Variants in PACRGL observed in about 807,000 individuals in gnomAD.
PACRGL encodes the protein parkin coregulated like.
A neutral mutation model predicts 34.5 loss-of-function variants in PACRGL; 38 were observed. The ratio of observed to expected loss-of-function variants is 1.10; its 90% CI spans 0.85 to 1.44. PACRGL has a LOEUF of 1.44. Among genes scored for constraint, PACRGL ranks in the 40% most tolerant of loss-of-function variants. PACRGL has a pLI of 0.00. For synonymous variants in PACRGL, 128 were observed against 100.1 expected (o/e 1.28, Z -1.66); for missense variants, 305 against 281.4 (o/e 1.08, Z -0.60).
chr4:20,762,560 C>T, the PACRGL span, among the ~76,000 whole-genome samples: 1 of 152,188 alleles, frequency 6.6e-6, no homozygotes, highest in African/African-American at 2.4e-5. Flanking sequence ...CTCTTCTGTG[C>T]AGTGATCTCT....
intron 5 of PACRGL, 155 bp from the exon 6 acceptor site, chr4:20,712,633 A>G (rs75964643): frequency 1.4e-6 from 1 of 717,580 alleles, no homozygotes; most frequent in Non-Finnish European, 2.0e-6. Flanking sequence ...CAGTTTCTCA[A>G]TGTAATTGAA....
intron 4 of PACRGL, among the ~76,000 whole-genome samples, chr4:20,708,924 C>T (rs1458740708): frequency 4.7e-5 from 7 of 150,036 alleles, no homozygotes; most frequent in South Asian, 2.1e-4. Flanking sequence ...GTCAGGAGTT[C>T]GAGACCAGCC....
the PACRGL span, among the ~76,000 whole-genome samples, chr4:20,760,763 T>A: frequency 5.3e-5 from 8 of 152,040 alleles, no homozygotes; most frequent in Admixed American, 6.6e-5. Flanking sequence ...GGTTTCGTAT[T>A]AGATGACCCC....
Position 20,724,842 on chromosome 4 carries a change from A to G in PACRGL, c.644A>G (p.Glu215Gly). The change falls in exon 8 of 9, where the codon GAG becomes GGG. Residue 215 changes from glutamate (E) to glycine (G), a missense_variant. Coordinates refer to ENST00000503585, the MANE Select transcript of PACRGL (RefSeq NM_001258345.3). ...AGATTAATGGACAAGAAATTCAAAG[A>G]GCCAATCACCAGCGCATTACAAAAG... ...SKRLMDKKFK[E>G]PITSALQKLE... 6.7e-7 allele frequency: 1 copy of G among 1,502,738 alleles called. No individual in the cohort carries two copies. Among genetic ancestry groups the G allele is most frequent in the Non-Finnish European group, 8.8e-7 (1 of 1,134,802 alleles). The allele number at this position is 1,502,738 out of a possible 1,614,324, so 93.1% of individuals were successfully genotyped here.
Position 20,744,140 on chromosome 4 carries a change from T to C in PACRGL, c.*57-8425T>C, listed in dbSNP as rs1289674923. 2.0e-5 allele frequency among the ~76,000 whole-genome samples: 3 copies of C among 151,396 alleles called. No homozygotes were observed. In the East Asian group the frequency reaches 5.9e-4, roughly 30 times the overall value. On this transcript the variant is annotated intron_variant, in intron 8 of 8. Transcript: ENST00000507634. Reference sequence around the variant, plus strand: ...AGATGCTGGAGAGGATGTGGAGAAATAGGAACACTTTTGCACTGTTGGTGG... The same window carrying C: ...AGATGCTGGAGAGGATGTGGAGAAACAGGAACACTTTTGCACTGTTGGTGG...
rs908567247 is a variant in PACRGL at position 20,700,536 on chromosome 4, T to A, written c.-268T>A. The A allele has an allele frequency of 1.3e-3, 204 of 151,898 alleles. 1 individual carries two copies. Among genetic ancestry groups the A allele is most frequent in the African/African-American group, 4.5e-3 (185 of 41,410 alleles). The allele number at this position is 151,898 out of a possible 1,614,324, so 9.4% of individuals were successfully genotyped here. ...AGTGCCGGTCATAAGCCCCCCCCGG[T>A]GGGGGGCAGCTGGTGTGCGGATCGC... On this transcript the variant is annotated 5_prime_UTR_variant, in exon 1 of 9. Transcript: ENST00000503585.
the PACRGL span, among the ~76,000 whole-genome samples, chr4:20,760,741 A>G: frequency 6.6e-5 from 10 of 152,264 alleles, no homozygotes; most frequent in South Asian, 2.1e-3. Flanking sequence ...GGAACTCTCC[A>G]GGTCATGACA....
At position 20,727,330 on chromosome 4, in the gene PACRGL, A is replaced by G. The variant is rs1746197050; in HGVS notation, c.736A>G (p.Ile246Val). 1.9e-6 allele frequency: 3 copies of G among 1,612,498 alleles called. No individual in the cohort carries two copies. The highest frequency in any genetic ancestry group is 2.5e-6 in the Non-Finnish European group (3 of 1,178,854). Reference protein sequence around the residue: ...IKSKIPTYCSICC With the variant: ...IKSKIPTYCSVCC The stretch of plus-strand genomic sequence containing the variant: ...ATCTAAAATTCCAACATACTGCTCC[A>G]TATGCTGTTGAAGAAGGGAGCCAAC... Residue 246 changes from isoleucine (I) to valine (V), a missense_variant, in exon 9 of 9, where the codon ATA becomes GTA. Physicochemically the swap from Ile to Val is conservative, Grantham distance 29 (BLOSUM62 3). Transcript: ENST00000503585.
chr4:20,719,153 A>G (rs906581290), intron 7 of PACRGL, among the ~76,000 whole-genome samples: 2 of 152,064 alleles, frequency 1.3e-5, no homozygotes, highest in African/African-American at 2.4e-5. Flanking sequence ...GGTAGTTTGT[A>G]TTTCTGTGGG....
chr4:20,754,045 G>C (rs756935061), downstream of PACRGL, among the ~76,000 whole-genome samples: 60 of 152,242 alleles, frequency 3.9e-4, 1 homozygote, highest in Middle Eastern at 0.01. Flanking sequence ...AAAATGTTTA[G>C]TGAACTAAAA....
chr4:20,715,584 C>A (rs1455188302), intron 7 of PACRGL, among the ~76,000 whole-genome samples: 1 of 151,862 alleles, frequency 6.6e-6, no homozygotes, highest in African/African-American at 2.4e-5. Flanking sequence ...AAAAAGTAAA[C>A]CACCCGGGCG....
downstream of PACRGL, among the ~76,000 whole-genome samples, chr4:20,734,076 C>G (rs1473754622): frequency 4.6e-5 from 7 of 152,138 alleles, no homozygotes; most frequent in East Asian, 1.9e-4. Flanking sequence ...TGCAGCCTGT[C>G]CTGCGTGGTT....
At chr4:20,764,015 C>G in the PACRGL span, among the ~76,000 whole-genome samples, 1 of 152,090 alleles carries the variant, frequency 6.6e-6, no homozygotes, top group Non-Finnish European at 1.5e-5. Context: ...TTCTAAGGAT[C>G]CAAGAAGCAG....
intron 4 of PACRGL, 44 bp downstream of exon 4, chr4:20,707,914 A>G: frequency 7.5e-7 from 1 of 1,340,300 alleles, no homozygotes; most frequent in Non-Finnish European, 1.1e-6. Flanking sequence ...ATTCAAAATC[A>G]TTGAGTAAAA....
chr4:20,737,949 C>T lies in PACRGL; in HGVS notation c.*56+10552C>T, dbSNP rs556597319. Among the ~76,000 whole-genome samples, 5 of 152,138 alleles carry T rather than the reference C, an allele frequency of 3.3e-5. No homozygotes were observed. In the South Asian group the frequency reaches 1.0e-3, roughly 32 times the overall value. ...GAGTTTGCAAGCAGCCTGAGCAACG[C>T]AGCCAGATCCAAATTAACAGCAAGA... On this transcript the variant is annotated intron_variant, in intron 8 of 8. Transcript: ENST00000507634.
In PACRGL at chr4:20,727,405, C is replaced by T; in HGVS notation, c.*64C>T. ...ACGTGTCAAGCACTAACTGTGGGTA[C>T]TCATTTATTTTATTCTTTTGTAAAT... On this transcript the variant is annotated 3_prime_UTR_variant, in exon 9 of 9. Transcript: ENST00000503585. 1 of 1,328,370 alleles carries T rather than the reference C, an allele frequency of 7.5e-7. No individual in the cohort carries two copies. 82.3% of individuals were successfully genotyped at this position (1,328,370 alleles called of 1,614,324 possible). A position where few individuals can be genotyped will look rare whatever the true frequency, so the allele number is the denominator to read the frequency against.
intron 8 of PACRGL, among the ~76,000 whole-genome samples, chr4:20,741,377 G>A (rs919228261): frequency 6.6e-6 from 1 of 152,206 alleles, no homozygotes; most frequent in Non-Finnish European, 1.5e-5. Flanking sequence ...CTGTCTCTCA[G>A]ACTACAATGC....
intron 8 of PACRGL, among the ~76,000 whole-genome samples, chr4:20,752,223 G>A (rs757046854): frequency 6.6e-5 from 10 of 151,590 alleles, no homozygotes; most frequent in South Asian, 6.3e-4. Context: ...CATGCCCGGC[G>A]AATTTTTGTA....
chr4:20,746,383 G>C (rs577103875), intron 8 of PACRGL, among the ~76,000 whole-genome samples: 1 of 151,938 alleles, frequency 6.6e-6, no homozygotes, highest in South Asian at 2.1e-4. Flanking sequence ...AGGGTGGGGG[G>C]CTAGGGGAGG....
Sources: allele counts gnomAD v4.1 joint callset (sites outside exome capture counted in the v4.1 genomes callset), GRCh38; gene constraint gnomAD v4.1.1; transcripts MANE v1.5; gene names NCBI Gene and HGNC (gene_info 2026-07-23, HGNC 2026-07-21).